NAV1: variants seen among roughly 807,000 people sequenced by gnomAD.
The protein encoded by NAV1 is neuron navigator 1.
In NAV1, 18 loss-of-function variants were observed where a neutral mutation model predicts 175.2. That is an observed-to-expected ratio of 0.10 (90% CI 0.07 to 0.15). NAV1 has a LOEUF of 0.15. NAV1 is among the 10% of genes least tolerant of loss of function. The probability of loss-of-function intolerance (pLI) is 1.00; values close to 1 mark genes in which losing one functional copy is unlikely to be tolerated. For missense variants in NAV1, 1,731 were observed against 2,436.6 expected (o/e 0.71, Z 6.10); for synonymous variants, 897 against 978.7 (o/e 0.92, Z 1.56).
At chr1:201,713,143 A>C (rs1037087347) in intron 2 of NAV1, among the ~76,000 whole-genome samples, 2 of 152,212 alleles carry the variant, frequency 1.3e-5, no homozygotes, top group African/African-American at 4.8e-5. Context: ...TCATTTCAGC[A>C]AATCAGCTTG....
At chr1:201,683,895 A>G (rs1341779933) in intron 1 of NAV1, among the ~76,000 whole-genome samples, 1 of 151,864 alleles carries the variant, frequency 6.6e-6, no homozygotes, top group East Asian at 1.9e-4. Context: ...GTCCACCTAA[A>G]TTCTTCTTTA....
chr1:201,826,394 C>G (rs1679673919), exon 30 of NAV1: 1 of 152,210 alleles, frequency 6.6e-6, no homozygotes, highest in Admixed American at 6.5e-5. Flanking sequence ...CTCCCACTTT[C>G]TAATGCTTTT....
exon 9 of NAV1, chr1:201,786,551 G>A (rs1394114625): frequency 1.1e-5 from 17 of 1,613,682 alleles, no homozygotes; most frequent in Non-Finnish European, 1.3e-5. Flanking sequence ...ATGTCTCTGA[G>A]TGCAAAGGGC....
Position 201,782,792 on chromosome 1 carries a change from C to T in NAV1, c.2280C>T (p.Ser760=). The T allele has an allele frequency of 6.2e-7, 1 of 1,613,498 alleles. No homozygotes were observed. Among genetic ancestry groups the T allele is most frequent in the Non-Finnish European group, 8.5e-7 (1 of 1,179,708 alleles). The change falls in exon 6 of 30, where the codon TCC becomes TCT. Residue 760 remains serine, a synonymous_variant. Transcript: ENST00000367296. This position sits in a 1 kb window ranked among gnomAD's most constrained non-coding sequence, Gnocchi z 5.4. Reference sequence around the variant, plus strand: ...ACATCTCCTTGAAGAGTATTGGCTCCCCAGAAAGTACTCCCAAGAACCAAG... The same window carrying T: ...ACATCTCCTTGAAGAGTATTGGCTCTCCAGAAAGTACTCCCAAGAACCAAG...
intron 2 of NAV1, among the ~76,000 whole-genome samples, chr1:201,599,745 G>A (rs771816304): frequency 2.6e-5 from 4 of 152,160 alleles, no homozygotes; most frequent in Non-Finnish European, 5.9e-5. Flanking sequence ...CTATAAAAGA[G>A]ACCAGGCTCA....
intron 3 of NAV1, among the ~76,000 whole-genome samples, chr1:201,770,895 C>G (rs1056127558): frequency 9.2e-5 from 14 of 152,172 alleles, no homozygotes; most frequent in South Asian, 2.1e-4. Flanking sequence ...TACACAGGAC[C>G]TTCACTGATT....
intron 11 of NAV1, 132 bp downstream of exon 15, chr1:201,789,924 G>T: frequency 1.2e-6 from 1 of 846,686 alleles, no homozygotes; most frequent in Non-Finnish European, 2.0e-6. Context: ...ACCCATTGGG[G>T]TGGGAATGGG....
chr1:201,809,120 T>C, intron 20 of NAV1, 44 bp from the exon 25 acceptor site: 1 of 1,571,692 alleles, frequency 6.4e-7, no homozygotes, highest in Non-Finnish European at 8.8e-7. Context: ...TAGGAAAGGC[T>C]GCGGGTACTC....
chr1:201,614,947 G>A (rs1667961442), intron 2 of NAV1, among the ~76,000 whole-genome samples: 1 of 152,218 alleles, frequency 6.6e-6, no homozygotes, highest in Non-Finnish European at 1.5e-5. Context: ...GTGTCTGACA[G>A]GCAGTCAGCA....
intron 1 of NAV1, among the ~76,000 whole-genome samples, chr1:201,562,997 C>G (rs73082569): frequency 2.6e-5 from 4 of 152,076 alleles, no homozygotes; most frequent in Non-Finnish European, 5.9e-5. Context: ...CACAGGAACA[C>G]GCATAGTAAA....
intron 1 of NAV1, among the ~76,000 whole-genome samples, chr1:201,678,769 C>G (rs1670356510): frequency 6.6e-6 from 1 of 152,170 alleles, no homozygotes; most frequent in African/African-American, 2.4e-5. Context: ...CCCACAAGCT[C>G]AAACTCAAGG....
At position 201,740,166 on chromosome 1, in the gene NAV1, T is replaced by G; in HGVS notation, c.1226+21411T>G. ...CCCCAGCCCCGCCGCAGCCCCCCAG[T>G]TCCGCCGCAGCTGCAGTCTCAGGGG... On this transcript the variant is annotated intron_variant, in intron 3 of 29. Transcript: ENST00000367296. This position sits in a 1 kb window ranked among gnomAD's most constrained non-coding sequence, Gnocchi z 4.7. 9.2e-7 allele frequency: 1 copy of G among 1,086,002 alleles called. No homozygotes were observed. Among genetic ancestry groups the G allele is most frequent in the Non-Finnish European group, 1.3e-6 (1 of 785,146 alleles). 67.3% of individuals were successfully genotyped at this position (1,086,002 alleles called of 1,614,324 possible).
chr1:201,659,031 C>G (rs1212431601), intron 1 of NAV1, among the ~76,000 whole-genome samples: 1 of 152,216 alleles, frequency 6.6e-6, no homozygotes, highest in Non-Finnish European at 1.5e-5. Flanking sequence ...AGGTGCAGTG[C>G]TCTGCCCTGA....
chr1:201,592,177 C>T (rs576334416), intron 2 of NAV1, among the ~76,000 whole-genome samples: 2 of 152,318 alleles, frequency 1.3e-5, no homozygotes, highest in South Asian at 4.1e-4. Context: ...GGGCCATTAG[C>T]ATTTTAAAAA....
chr1:201,634,234 C>T (rs560301852), intron 2 of NAV1, among the ~76,000 whole-genome samples: 4 of 152,288 alleles, frequency 2.6e-5, no homozygotes, highest in East Asian at 1.9e-4. Flanking sequence ...ATTGGTAAAG[C>T]GCTTAGAAGA....
chr1:201,700,623 G>C (rs1558078380), intron 1 of NAV1, among the ~76,000 whole-genome samples: 3 of 152,132 alleles, frequency 2.0e-5, no homozygotes, highest in Non-Finnish European at 4.4e-5. Context: ...CTACTATAAA[G>C]ACACATGCAC....
At chr1:201,628,754 G>A (rs1015013758) in intron 1 of NAV1, among the ~76,000 whole-genome samples, 1 of 152,196 alleles carries the variant, frequency 6.6e-6, no homozygotes, top group African/African-American at 2.4e-5. Flanking sequence ...GCAACTGTAC[G>A]GTTGAGGTTG....
chr1:201,786,229 A>G (rs1676736964), intron 8 of NAV1, among the ~76,000 whole-genome samples, 200 bp from the exon 13 acceptor site: 1 of 151,952 alleles, frequency 6.6e-6, no homozygotes, highest in African/African-American at 2.4e-5. Context: ...TAGTCCTTCC[A>G]CACCCTCTGG....
At chr1:201,801,513 G>A (rs1204360526) in intron 15 of NAV1, among the ~76,000 whole-genome samples, 1 of 152,016 alleles carries the variant, frequency 6.6e-6, no homozygotes, top group Admixed American at 6.6e-5. Context: ...AGAGATGAGG[G>A]CCTCACTGTG....
Sources: gnomAD v4.1 joint callset for allele counts (sites outside exome capture counted in the v4.1 genomes callset) on GRCh38, gnomAD v4.1.1 for gene constraint, Gnocchi (gnomAD v3.1) non-coding constraint, MANE v1.5 for transcripts, NCBI Gene and HGNC (gene_info 2026-07-23, HGNC 2026-07-21) for gene names.